CADPS2: variants seen among roughly 807,000 people sequenced by gnomAD.
CADPS2 encodes calcium dependent secretion activator 2.
A neutral mutation model predicts 172.5 loss-of-function variants in CADPS2; 93 were observed. The ratio of observed to expected loss-of-function variants is 0.54; its 90% CI spans 0.46 to 0.64. The LOEUF (loss-of-function observed/expected upper bound fraction) is 0.64, where lower values mean the gene tolerates loss of function less well. CADPS2 is among the 30% of genes least tolerant of loss of function. The probability of loss-of-function intolerance (pLI) is 0.00; values close to 1 mark genes in which losing one functional copy is unlikely to be tolerated. For synonymous variants in CADPS2, 546 were observed against 555.2 expected (o/e 0.98, Z 0.23); for missense variants, 1,420 against 1,565.9 (o/e 0.91, Z 1.57).
At chr7:122,471,607 T>C (rs927727313) in intron 13 of CADPS2, 45 bp from the exon 14 acceptor site, 5 of 1,482,740 alleles carry the variant, frequency 3.4e-6, no homozygotes, top group Non-Finnish European at 3.6e-6. Context: ...TTTCTTTCTA[T>C]ACTACGATTT....
At chr7:122,371,967 T>C (rs2151274425) in intron 25 of CADPS2, among the ~76,000 whole-genome samples, 1 of 148,420 alleles carries the variant, frequency 6.7e-6, no homozygotes, top group African/African-American at 2.5e-5. Flanking sequence ...TACGGGATTT[T>C]AGGTGATAAA....
intron 1 of CADPS2, among the ~76,000 whole-genome samples, chr7:122,739,289 T>G (rs1303016532): frequency 1.3e-5 from 2 of 152,344 alleles, no homozygotes; most frequent in Admixed American, 1.3e-4. Context: ...CCAACTCCTT[T>G]GCTTGATAAA....
chr7:122,826,993 G>A (rs1319332618), intron 1 of CADPS2, among the ~76,000 whole-genome samples: 1 of 151,998 alleles, frequency 6.6e-6, no homozygotes, highest in East Asian at 1.9e-4. Context: ...ACAAAAGCTG[G>A]ATCTTGGGGA....
intron 9 of CADPS2, among the ~76,000 whole-genome samples, chr7:122,496,157 CTTTATTTA>C (rs746822173): frequency 8.6e-5 from 13 of 151,762 alleles, no homozygotes; most frequent in African/African-American, 2.9e-4. Flanking sequence ...ATATTTATCT[CTTTATTTA>C]TTTATTTATT....
At position 122,600,367 on chromosome 7, in the gene CADPS2, A is replaced by G. The variant is rs147927517; in HGVS notation, c.1223+14814T>C. ...CTAGGTTGGGGACCTTCTCTGAAAAAACTGAGCCATGAAACAGTCATAGAT... is the reference window on the plus strand; with the variant it reads ...CTAGGTTGGGGACCTTCTCTGAAAAGACTGAGCCATGAAACAGTCATAGAT... On this transcript the variant is annotated intron_variant, in intron 6 of 29. Transcript: ENST00000449022. Among the ~76,000 whole-genome samples, 12 of 152,170 alleles carry G rather than the reference A, an allele frequency of 7.9e-5. No homozygotes were observed. In the East Asian group the frequency reaches 2.3e-3, roughly 30 times the overall value.
rs2063091848 is a variant in CADPS2, at chr7:122,541,834, TATGTTTATATATTC to T, written c.1475+12702_1475+12715del. On this transcript the variant is annotated intron_variant, in intron 8 of 29. Transcript: ENST00000449022. ...ATATATTCATATGTTTATATATTCA[TATGTTTATATATTC>T]ATATATATTTATATATATGCATATA... 7.1e-5 allele frequency among the ~76,000 whole-genome samples: 5 copies of T among 70,822 alleles called. No individual in the cohort carries two copies. The South Asian group carries it at 1.0e-3, about 15-fold the overall frequency. 46.5% of individuals were successfully genotyped at this position (70,822 alleles called of 152,430 possible).
At chr7:122,556,778 T>A (rs934584168) in intron 7 of CADPS2, among the ~76,000 whole-genome samples, 1 of 152,136 alleles carries the variant, frequency 6.6e-6, no homozygotes, top group African/African-American at 2.4e-5. Context: ...ACACAAAGAT[T>A]AAAGAACATG....
At chr7:122,444,473 TGTTCA>T (rs1481831942) in intron 15 of CADPS2, among the ~76,000 whole-genome samples, 1 of 152,196 alleles carries the variant, frequency 6.6e-6, no homozygotes, top group Non-Finnish European at 1.5e-5. Flanking sequence ...ACACTTGTTA[TGTTCA>T]GTTTTTGTTT....
At position 122,319,760 on chromosome 7, in the gene CADPS2, C is replaced by T. The variant is rs556568061; in HGVS notation, c.*405G>A. ...ATACGACAGTGTTGGTGCAGTGGTC[C>T]GAACTGACTTCTCACAATGCTGCAT... On this transcript the variant is annotated 3_prime_UTR_variant, in exon 30 of 30. Transcript: ENST00000449022. 8 of 159,560 alleles carry T rather than the reference C, an allele frequency of 5.0e-5. No homozygotes were observed. The highest frequency in any genetic ancestry group is 1.3e-4 in the Admixed American group (2 of 15,610). The allele number at this position is 159,560 out of a possible 1,614,324, so 9.9% of individuals were successfully genotyped here. A position where few individuals can be genotyped will look rare whatever the true frequency, so the allele number is the denominator to read the frequency against.
At chr7:122,590,597 A>T (rs928681114) in intron 6 of CADPS2, among the ~76,000 whole-genome samples, 5 of 151,992 alleles carry the variant, frequency 3.3e-5, no homozygotes, top group Non-Finnish European at 7.4e-5. Context: ...ATATATATTC[A>T]TATATAAATG....
chr7:122,827,075 A>G (rs930573467), intron 1 of CADPS2, among the ~76,000 whole-genome samples: 3 of 152,174 alleles, frequency 2.0e-5, no homozygotes, highest in African/African-American at 7.2e-5. Flanking sequence ...CAAAACACCA[A>G]TGTCAAGAAT....
intron 1 of CADPS2, among the ~76,000 whole-genome samples, chr7:122,882,695 G>C (rs1263008446): frequency 6.9e-6 from 1 of 144,732 alleles, no homozygotes; most frequent in African/African-American, 2.6e-5. Context: ...TTATTAATTA[G>C]TACCTGATTT....
At chr7:122,725,635 A>C (rs2091007034) in intron 2 of CADPS2, among the ~76,000 whole-genome samples, 1 of 148,256 alleles carries the variant, frequency 6.7e-6, no homozygotes, top group Admixed American at 6.9e-5. Flanking sequence ...TATTACTAAA[A>C]AGTCAAAAAA....
intron 1 of CADPS2, among the ~76,000 whole-genome samples, chr7:122,755,944 TA>T (rs2093142142): frequency 6.6e-6 from 1 of 152,188 alleles, no homozygotes. Flanking sequence ...GTGAATATAA[TA>T]AAATCCAAGC....
chr7:122,528,587 A>G (rs1339346198), intron 8 of CADPS2, among the ~76,000 whole-genome samples: 1 of 152,174 alleles, frequency 6.6e-6, no homozygotes, highest in African/African-American at 2.4e-5. Flanking sequence ...AGGATGGACT[A>G]CATAGGACTA....
intron 6 of CADPS2, among the ~76,000 whole-genome samples, chr7:122,582,566 C>T (rs1046618429): frequency 6.6e-6 from 1 of 151,750 alleles, no homozygotes; most frequent in South Asian, 2.1e-4. Context: ...AGATGGTTTA[C>T]ATAAAGCAAT....
intron 9 of CADPS2, among the ~76,000 whole-genome samples, chr7:122,508,570 T>A (rs1170757262): frequency 1.3e-5 from 2 of 150,038 alleles, no homozygotes; most frequent in African/African-American, 4.9e-5. Flanking sequence ...CCTCAAGTGA[T>A]TCTCCTGCTT....
At chr7:122,581,695 A>G (rs2068842743) in intron 6 of CADPS2, among the ~76,000 whole-genome samples, 2 of 152,184 alleles carry the variant, frequency 1.3e-5, no homozygotes, top group Admixed American at 1.3e-4. Flanking sequence ...ATTTTTATAT[A>G]CTAAAGACTT....
chr7:122,383,501 T>A lies in CADPS2; in HGVS notation c.3312+3525A>T, dbSNP rs2043262956. Among the ~76,000 whole-genome samples the A allele has an allele frequency of 2.6e-5, 4 of 152,232 alleles. No individual in the cohort carries two copies. In the South Asian group the frequency reaches 8.3e-4, roughly 32 times the overall value. On this transcript the variant is annotated intron_variant, in intron 24 of 29. Transcript: ENST00000449022. ...ATACTTCAAGTTGGATTGATAATCT[T>A]AGATTCTAGGGCTTTGTTAGATTTC...
Sources: gnomAD v4.1 joint callset for allele counts (sites outside exome capture counted in the v4.1 genomes callset) on GRCh38, gnomAD v4.1.1 for gene constraint, MANE v1.5 for transcripts, NCBI Gene and HGNC (gene_info 2026-07-23, HGNC 2026-07-21) for gene names.